Variants in VSTM2L observed in about 807,000 individuals in gnomAD.
The protein encoded by VSTM2L is V-set and transmembrane domain containing 2 like, also known as V-set and transmembrane domain-containing protein 2-like protein.
In VSTM2L, 9 loss-of-function variants were observed where a neutral mutation model predicts 19.9. That is an observed-to-expected ratio of 0.45 (90% CI 0.27 to 0.79). The LOEUF is 0.79. VSTM2L is among the 30% of genes least tolerant of loss of function. The probability of loss-of-function intolerance (pLI) is 0.15; values close to 1 mark genes in which losing one functional copy is unlikely to be tolerated. For synonymous variants in VSTM2L, 127 were observed against 133.8 expected, an observed-to-expected ratio of 0.95 and a Z score of 0.35; for missense variants, 286 against 295.5, an observed-to-expected ratio of 0.97 and a Z score of 0.24.
Position 37,944,163 on chromosome 20 carries a change from A to G in VSTM2L, c.525A>G (p.Glu175=), listed in dbSNP as rs752604737. Residue 175 remains glutamate, a synonymous_variant, in exon 4 of 4, where the codon GAA becomes GAG. Coordinates refer to ENST00000373461, the MANE Select transcript of VSTM2L (RefSeq NM_080607.3). ...AGAACTCCGTCCTGCATCTGCCCGA[A>G]GCCCCTCCCGCCGCGCCCGCCCCGC... ...PGENSVLHLP[E]APPAAPAPPP... is the part of the protein sequence containing the mutation. 10 of 1,565,748 alleles carry G rather than the reference A, an allele frequency of 6.4e-6. No homozygotes were observed. The highest frequency in any genetic ancestry group is 4.1e-5 in the African/African-American group (3 of 73,678).
At chr20:37,927,695 G>A (rs1039516427) in intron 1 of VSTM2L, among the ~76,000 whole-genome samples, 2 of 152,202 alleles carry the variant, frequency 1.3e-5, no homozygotes, top group African/African-American at 4.8e-5. Context: ...GTTTTCTGTC[G>A]GTTGGCAGGG....
intron 3 of VSTM2L, among the ~76,000 whole-genome samples, chr20:37,934,711 G>A (rs1426562043): frequency 6.6e-6 from 1 of 152,170 alleles, no homozygotes; most frequent in Non-Finnish European, 1.5e-5. Context: ...TGTGGAGAAT[G>A]GGCACAGGGA....
At chr20:37,908,452 AATT>A (rs1411642483) in intron 1 of VSTM2L, among the ~76,000 whole-genome samples, 1 of 152,118 alleles carries the variant, frequency 6.6e-6, no homozygotes, top group African/African-American at 2.4e-5. Flanking sequence ...GGCAAGGGAG[AATT>A]TGCCCAGAAT....
chr20:37,936,927 A>T (rs1417695076), intron 3 of VSTM2L, among the ~76,000 whole-genome samples: 1 of 151,916 alleles, frequency 6.6e-6, no homozygotes, highest in East Asian at 1.9e-4. Context: ...AAGGGAATAA[A>T]AAAAAAAAAT....
At position 37,938,441 on chromosome 20, in the gene VSTM2L, G is replaced by A. The variant is rs570372192; in HGVS notation, c.342+4852G>A. On this transcript the variant is annotated intron_variant, in intron 3 of 3. Coordinates refer to ENST00000373461, the MANE Select transcript of VSTM2L (RefSeq NM_080607.3). The stretch of plus-strand genomic sequence containing the variant: ...CATCTGACCCCTATTCCTCACCCCA[G>A]CACCTTCCCTGGGGCCTCCACCTCT... 3.9e-5 allele frequency among the ~76,000 whole-genome samples: 6 copies of A among 152,312 alleles called. No homozygotes were observed. In the South Asian group the frequency reaches 1.0e-3, roughly 26 times the overall value.
intron 3 of VSTM2L, among the ~76,000 whole-genome samples, chr20:37,938,248 A>G (rs2072951557): frequency 6.6e-6 from 1 of 152,152 alleles, no homozygotes; most frequent in South Asian, 2.1e-4. Flanking sequence ...TGCAGAGTGC[A>G]GAAAGAAAAC....
chr20:37,915,218 A>T (rs773611907), intron 1 of VSTM2L, among the ~76,000 whole-genome samples: 4 of 152,136 alleles, frequency 2.6e-5, no homozygotes, highest in Non-Finnish European at 5.9e-5. Flanking sequence ...GCCCAGATCC[A>T]CCAGCTCCTC....
At chr20:37,935,531 A>G (rs2072934613) in intron 3 of VSTM2L, among the ~76,000 whole-genome samples, 1 of 151,790 alleles carries the variant, frequency 6.6e-6, no homozygotes, top group Admixed American at 6.6e-5. Flanking sequence ...TCCCACCTCC[A>G]GGCCTTTGCA....
chr20:37,924,433 A>G (rs1299953087), intron 1 of VSTM2L, among the ~76,000 whole-genome samples: 5 of 131,478 alleles, frequency 3.8e-5, no homozygotes, highest in African/African-American at 1.8e-4. Flanking sequence ...TGTGCCTGTA[A>G]TCCCAAGCTA....
At chr20:37,933,492 G>A (rs1349859902) in intron 2 of VSTM2L, 47 bp from the exon 3 acceptor site, 18 of 1,509,052 alleles carry the variant, frequency 1.2e-5, no homozygotes, top group Non-Finnish European at 1.6e-5. Flanking sequence ...CCCACCCTGT[G>A]CTAACACCTT....
Position 37,944,187 on chromosome 20 carries a change from G to T in VSTM2L, c.549G>T (p.Pro183=), listed in dbSNP as rs370535778. ...AAGCCCCTCCCGCCGCGCCCGCCCC[G>T]CCGCCCCCCAAGCCAGGCAAGGAGC... ...LPEAPPAAPA[P]PPPKPGKELR... The change falls in exon 4 of 4, where the codon CCG becomes CCT. Residue 183 remains proline, a synonymous_variant. Coordinates refer to ENST00000373461, the MANE Select transcript of VSTM2L (RefSeq NM_080607.3). The T allele has an allele frequency of 2.6e-6, 2 of 777,910 alleles. No homozygotes were observed. Among genetic ancestry groups the T allele is most frequent in the Non-Finnish European group, 3.4e-6 (2 of 583,486 alleles). 48.2% of individuals were successfully genotyped at this position (777,910 alleles called of 1,614,324 possible).
intron 1 of VSTM2L, among the ~76,000 whole-genome samples, chr20:37,920,912 T>C (rs888231986): frequency 6.7e-6 from 1 of 150,098 alleles, no homozygotes; most frequent in Admixed American, 6.6e-5. Flanking sequence ...ATTGATTGAT[T>C]GATTGATTCA....
At position 37,903,158 on chromosome 20, in the gene VSTM2L, C is replaced by T. The variant is rs972883506; in HGVS notation, c.-193C>T. 1.4e-6 allele frequency: 1 copy of T among 708,668 alleles called. No homozygotes were observed. The highest frequency in any genetic ancestry group is 1.9e-6 in the Non-Finnish European group (1 of 526,316). The allele number at this position is 708,668 out of a possible 1,614,324, so 43.9% of individuals were successfully genotyped here. A position where few individuals can be genotyped will look rare whatever the true frequency, so the allele number is the denominator to read the frequency against. On this transcript the variant is annotated 5_prime_UTR_variant, in exon 1 of 4. Transcript: ENST00000373461. Reference sequence around the variant, plus strand: ...GGAGGCGGCCGGCTGGGCGTGCGCTCGCTCCCCGAAGCCGGGGCTGGGCCG... The same window carrying T: ...GGAGGCGGCCGGCTGGGCGTGCGCTTGCTCCCCGAAGCCGGGGCTGGGCCG...
intron 2 of VSTM2L, among the ~76,000 whole-genome samples, chr20:37,932,275 C>T (rs758275810): frequency 1.1e-4 from 16 of 152,154 alleles, no homozygotes; most frequent in Non-Finnish European, 1.9e-4. Context: ...CCCTTGGCTG[C>T]ACATGTGCTC....
chr20:37,919,568 C>T (rs1488504605), intron 1 of VSTM2L, among the ~76,000 whole-genome samples: 1 of 152,202 alleles, frequency 6.6e-6, no homozygotes, highest in Non-Finnish European at 1.5e-5. Flanking sequence ...TTAAATCCTC[C>T]CTCTCCAGCC....
chr20:37,932,371 C>T (rs2072915763), intron 2 of VSTM2L, among the ~76,000 whole-genome samples: 1 of 152,098 alleles, frequency 6.6e-6, no homozygotes, highest in South Asian at 2.1e-4. Flanking sequence ...GTGCAGCGTG[C>T]TCTGGGACCA....
intron 3 of VSTM2L, among the ~76,000 whole-genome samples, chr20:37,938,042 T>C (rs1368909411): frequency 6.6e-6 from 1 of 152,034 alleles, no homozygotes; most frequent in East Asian, 1.9e-4. Context: ...TAGGGACATT[T>C]TGAAAAAATT....
rs1282168751 is a variant in VSTM2L at position 37,903,371 on chromosome 20, A to G, written c.21A>G (p.Val7=). 6 of 1,479,292 alleles carry G rather than the reference A, an allele frequency of 4.1e-6. No homozygotes were observed. Among genetic ancestry groups the G allele is most frequent in the Non-Finnish European group, 5.4e-6 (6 of 1,121,276 alleles). The allele number at this position is 1,479,292 out of a possible 1,614,324, so 91.6% of individuals were successfully genotyped here. ...GCACGATGGGGGCCCCGCTCGCCGT[A>G]GCGCTGGGCGCCCTCCACTACCTGG... is the stretch of plus-strand genomic sequence containing the variant. MGAPLA[V]ALGALHYLAL... Residue 7 remains valine (V), a synonymous_variant, in exon 1 of 4, where the codon GTA becomes GTG. Coordinates refer to ENST00000373461, the MANE Select transcript of VSTM2L (RefSeq NM_080607.3).
At chr20:37,922,909 G>A (rs2072860224) in intron 1 of VSTM2L, among the ~76,000 whole-genome samples, 1 of 152,164 alleles carries the variant, frequency 6.6e-6, no homozygotes, top group Admixed American at 6.5e-5. Context: ...GCCCACGCGT[G>A]AGTAAAATAC....
Sources: allele counts gnomAD v4.1 joint callset (sites outside exome capture counted in the v4.1 genomes callset), GRCh38; gene constraint gnomAD v4.1.1; transcripts MANE v1.5; gene names NCBI Gene and HGNC (gene_info 2026-07-23, HGNC 2026-07-21).